Variants in PTPRD observed in about 807,000 individuals in gnomAD.
The protein encoded by PTPRD is receptor-type tyrosine-protein phosphatase delta.
A neutral mutation model predicts 214.5 loss-of-function variants in PTPRD; 34 were observed. The ratio of observed to expected loss-of-function variants is 0.16; its 90% CI spans 0.12 to 0.21. The LOEUF is 0.21. Ranked by LOEUF, PTPRD falls within the 10% of genes least tolerant of loss-of-function variation. The pLI is 1.00. For synonymous variants in PTPRD, 1,128 were observed against 845.7 expected, an observed-to-expected ratio of 1.33 and a Z score of -5.79; for missense variants, 2,545 against 2,398.7, an observed-to-expected ratio of 1.06 and a Z score of -1.27.
chr9:9,601,141 G>A (rs1282387325), intron 7 of PTPRD, among the ~76,000 whole-genome samples: 11 of 125,498 alleles, frequency 8.8e-5, no homozygotes, highest in African/African-American at 3.9e-4. Context: ...GTGTGTGTGT[G>A]TGTGTGTGTA....
At chr9:10,174,561 C>T (rs2099234440) in intron 3 of PTPRD, among the ~76,000 whole-genome samples, 1 of 152,166 alleles carries the variant, frequency 6.6e-6, no homozygotes, top group East Asian at 1.9e-4. Flanking sequence ...ATGTACTATG[C>T]CAACTATCAT....
At chr9:8,719,937 A>G (rs960464884) in intron 12 of PTPRD, among the ~76,000 whole-genome samples, 8 of 152,198 alleles carry the variant, frequency 5.3e-5, no homozygotes, top group Non-Finnish European at 7.3e-5. Flanking sequence ...AGGAAACTGC[A>G]GGTCTAAGAT....
At chr9:10,504,392 T>C (rs546648410) in intron 2 of PTPRD, among the ~76,000 whole-genome samples, 3 of 152,268 alleles carry the variant, frequency 2.0e-5, no homozygotes, top group African/African-American at 7.2e-5. Flanking sequence ...CGGTTTACTC[T>C]GCTTAGTAGG....
chr9:8,503,991 C>A (rs755698184), intron 23 of PTPRD, among the ~76,000 whole-genome samples: 5 of 152,138 alleles, frequency 3.3e-5, no homozygotes, highest in African/African-American at 1.2e-4. Context: ...TGATCTAACT[C>A]CTTTAACCCA....
chr9:8,500,376 A>C (rs1368997317), intron 24 of PTPRD, among the ~76,000 whole-genome samples: 1 of 151,784 alleles, frequency 6.6e-6, no homozygotes, highest in Non-Finnish European at 1.5e-5. Context: ...AAAAGGCAAC[A>C]AAAAGGTAAG....
At chr9:9,934,293 TG>T (rs2088177366) in intron 5 of PTPRD, among the ~76,000 whole-genome samples, 1 of 150,986 alleles carries the variant, frequency 6.6e-6, no homozygotes, top group Non-Finnish European at 1.5e-5. Context: ...ATCCAGGAGC[TG>T]GTTTTTTGAA....
chr9:9,359,603 C>G (rs1458156153), intron 9 of PTPRD, among the ~76,000 whole-genome samples: 2 of 151,244 alleles, frequency 1.3e-5, no homozygotes, highest in Admixed American at 6.6e-5. Flanking sequence ...TAAACCTAGT[C>G]ATTACTCACA....
intron 11 of PTPRD, among the ~76,000 whole-genome samples, chr9:8,901,941 C>T (rs2098672112): frequency 6.6e-6 from 1 of 152,156 alleles, no homozygotes; most frequent in African/African-American, 2.4e-5. Flanking sequence ...GTCAACAATT[C>T]TGGATAAATC....
chr9:10,132,564 A>C (rs1337922914), intron 3 of PTPRD, among the ~76,000 whole-genome samples: 1 of 152,166 alleles, frequency 6.6e-6, no homozygotes, highest in Non-Finnish European at 1.5e-5. Flanking sequence ...TTCAGTACAC[A>C]TACTTGGAGT....
chr9:10,475,050 C>T (rs1294157226), intron 2 of PTPRD, among the ~76,000 whole-genome samples: 1 of 152,064 alleles, frequency 6.6e-6, no homozygotes, highest in Non-Finnish European at 1.5e-5. Flanking sequence ...CTAAAATTGA[C>T]ATGCTAACAT....
At chr9:9,084,326 C>T (rs1569534920) in intron 10 of PTPRD, among the ~76,000 whole-genome samples, 2 of 152,130 alleles carry the variant, frequency 1.3e-5, no homozygotes, top group South Asian at 2.1e-4. Flanking sequence ...ACCGCATGTT[C>T]TCACTCATAA....
At chr9:9,644,988 C>A (rs906316362) in intron 7 of PTPRD, among the ~76,000 whole-genome samples, 1 of 152,174 alleles carries the variant, frequency 6.6e-6, no homozygotes, top group Non-Finnish European at 1.5e-5. Context: ...ACCAAGAGGG[C>A]AGGGTGTAAA....
chr9:8,869,484 G>A (rs1478386154), intron 11 of PTPRD, among the ~76,000 whole-genome samples: 4 of 152,010 alleles, frequency 2.6e-5, no homozygotes, highest in African/African-American at 9.7e-5. Flanking sequence ...CTGATTTTAT[G>A]GCTGACCCAG....
intron 5 of PTPRD, among the ~76,000 whole-genome samples, chr9:9,848,691 AATAG>A (rs1220805479): frequency 2.6e-5 from 4 of 152,102 alleles, no homozygotes; most frequent in African/African-American, 4.8e-5. Context: ...TATCACACAA[AATAG>A]ATAAATATCA....
chr9:10,039,641 G>T (rs1344181689), intron 3 of PTPRD, among the ~76,000 whole-genome samples: 2 of 151,890 alleles, frequency 1.3e-5, no homozygotes, highest in Non-Finnish European at 2.9e-5. Context: ...TCTAAGGAAA[G>T]TCACTAAGTA....
At chr9:9,641,509 T>C (rs545437863) in intron 7 of PTPRD, among the ~76,000 whole-genome samples, 17 of 152,248 alleles carry the variant, frequency 1.1e-4, no homozygotes, top group Middle Eastern at 3.4e-3. Flanking sequence ...GAAAGTACCA[T>C]AGTGTGTCAG....
At chr9:9,907,848 T>C (rs2078040335) in intron 5 of PTPRD, among the ~76,000 whole-genome samples, 1 of 152,012 alleles carries the variant, frequency 6.6e-6, no homozygotes, top group South Asian at 2.1e-4. Context: ...ACAGTTGTCA[T>C]TTTCATCACT....
At chr9:9,321,280 G>T (rs1332477857) in intron 9 of PTPRD, among the ~76,000 whole-genome samples, 1 of 152,184 alleles carries the variant, frequency 6.6e-6, no homozygotes, top group Non-Finnish European at 1.5e-5. Context: ...TCTGGGCTGG[G>T]TGCAGTGGCT....
rs374104830 is a variant in PTPRD, at chr9:9,872,709, A to G, written c.-368+65798T>C. Among the ~76,000 whole-genome samples the G allele has an allele frequency of 9.2e-5, 14 of 152,326 alleles. No homozygotes were observed. The East Asian group carries it at 1.4e-3, about 15-fold the overall frequency. On this transcript the variant is annotated intron_variant, in intron 5 of 45. Coordinates refer to ENST00000381196, the MANE Select transcript of PTPRD (RefSeq NM_002839.4). ...GCACAGTGCCTGGTACCTTGAATGT[A>G]TACATTAAATGCTAGATATCATCAT...
Sources: gnomAD v4.1 joint callset for allele counts (sites outside exome capture counted in the v4.1 genomes callset) on GRCh38, gnomAD v4.1.1 for gene constraint, MANE v1.5 for transcripts, NCBI Gene and HGNC (gene_info 2026-07-23, HGNC 2026-07-21) for gene names.